ZNRF2: variants seen among roughly 807,000 people sequenced by gnomAD.
The protein encoded by ZNRF2 is E3 ubiquitin-protein ligase ZNRF2.
In ZNRF2, 16 loss-of-function variants were observed where a neutral mutation model predicts 20.4. That is an observed-to-expected ratio of 0.79 (90% confidence interval 0.53 to 1.19). The LOEUF (loss-of-function observed/expected upper bound fraction) is 1.19, where lower values mean the gene tolerates loss of function less well. Among genes scored for constraint, ZNRF2 ranks in the 50% most tolerant of loss-of-function variants. ZNRF2 has a pLI of 0.00. For synonymous variants in ZNRF2, 178 were observed against 144.9 expected (o/e 1.23, Z -1.64); for missense variants, 363 against 332.4 (o/e 1.09, Z -0.72).
chr7:30,341,353 G>A (rs1257409705), intron 2 of ZNRF2, among the ~76,000 whole-genome samples: 6 of 151,950 alleles, frequency 3.9e-5, no homozygotes, highest in South Asian at 2.1e-4. Flanking sequence ...GATCTTTCCC[G>A]CTTTCTCCTG....
At chr7:30,287,972 G>C (rs1240911302) in intron 1 of ZNRF2, among the ~76,000 whole-genome samples, 1 of 152,210 alleles carries the variant, frequency 6.6e-6, no homozygotes, top group Non-Finnish European at 1.5e-5. Flanking sequence ...AGGATCAGAT[G>C]AAAGTGCCAC....
At chr7:30,351,522 T>C (rs1165308620) in intron 2 of ZNRF2, among the ~76,000 whole-genome samples, 1 of 152,050 alleles carries the variant, frequency 6.6e-6, no homozygotes, top group Admixed American at 6.6e-5. Context: ...CCTCTAAATA[T>C]GTAGCTTGAG....
At chr7:30,332,030 G>A (rs1458589965) in intron 2 of ZNRF2, among the ~76,000 whole-genome samples, 3 of 152,074 alleles carry the variant, frequency 2.0e-5, no homozygotes, top group Non-Finnish European at 4.4e-5. Flanking sequence ...AATACACATA[G>A]CTGCCCAAAA....
At chr7:30,328,817 C>CT (rs1799592132) in intron 2 of ZNRF2, among the ~76,000 whole-genome samples, 1 of 152,072 alleles carries the variant, frequency 6.6e-6, no homozygotes, top group Non-Finnish European at 1.5e-5. Flanking sequence ...ATGGGACGCC[C>CT]AAGGCTGTCA....
intron 1 of ZNRF2, among the ~76,000 whole-genome samples, chr7:30,293,000 G>T (rs559312509): frequency 1.1e-4 from 17 of 152,282 alleles, no homozygotes; most frequent in Admixed American, 2.6e-4. Context: ...CAGCAAGGAG[G>T]CAAAAATCCA....
chr7:30,324,089 G>A lies in ZNRF2; in HGVS notation c.565+352G>A, dbSNP rs74482024. On this transcript the variant is annotated intron_variant, in intron 2 of 4. Transcript: ENST00000323037. ...TAAGACAAAATATTTAGTGACAAGA[G>A]TGGCATTTTCAGGATTTTTACAAAC... Among the ~76,000 whole-genome samples, 682 of 152,256 alleles carry A rather than the reference G, an allele frequency of 4.5e-3. 4 individuals carry two copies. Among genetic ancestry groups the A allele is most frequent in the Admixed American group, 9.6e-3 (147 of 15,294 alleles).
chr7:30,340,217 T>C (rs1438764011), intron 2 of ZNRF2, among the ~76,000 whole-genome samples: 1 of 152,196 alleles, frequency 6.6e-6, no homozygotes, highest in Non-Finnish European at 1.5e-5. Context: ...ACTTCCTCTC[T>C]CCCTGTTTGA....
chr7:30,360,660 A>G (rs1800112663), intron 3 of ZNRF2, among the ~76,000 whole-genome samples: 2 of 152,172 alleles, frequency 1.3e-5, no homozygotes, highest in South Asian at 4.1e-4. Flanking sequence ...TTGCCACTGC[A>G]CTTCAGGCTG....
chr7:30,308,541 G>A (rs1302062574), intron 1 of ZNRF2, among the ~76,000 whole-genome samples: 1 of 152,112 alleles, frequency 6.6e-6, no homozygotes, highest in Non-Finnish European at 1.5e-5. Context: ...CTAGGAAACC[G>A]AAACAAGCTC....
chr7:30,334,561 G>C (rs80164807), intron 2 of ZNRF2, among the ~76,000 whole-genome samples: 31 of 152,294 alleles, frequency 2.0e-4, no homozygotes, highest in African/African-American at 7.2e-4. Context: ...TGAATGTGTA[G>C]ATTGCTTTGG....
chr7:30,299,080 TTTAC>T (rs1311187881), intron 1 of ZNRF2, among the ~76,000 whole-genome samples: 1 of 152,198 alleles, frequency 6.6e-6, no homozygotes, highest in Non-Finnish European at 1.5e-5. Flanking sequence ...ACTAGTTATC[TTTAC>T]TTAGTTTTTT....
intron 3 of ZNRF2, among the ~76,000 whole-genome samples, chr7:30,356,577 A>G (rs908431687): frequency 6.6e-6 from 1 of 152,178 alleles, no homozygotes; most frequent in African/African-American, 2.4e-5. Flanking sequence ...AACTATATCC[A>G]GGCAAATATT....
At position 30,298,431 on chromosome 7, in the gene ZNRF2, G is replaced by C. The variant is rs145796986; in HGVS notation, c.469+12605G>C. ...CTAAAAAGCAAATTGGAAGCTCTCT[G>C]TGCATGTAGTGTCCTCTGTCTGGGC... is the stretch of plus-strand genomic sequence containing the variant. On this transcript the variant is annotated intron_variant, in intron 1 of 4. Transcript: ENST00000323037. Among the ~76,000 whole-genome samples, 1,019 of 152,272 alleles carry C rather than the reference G, an allele frequency of 6.7e-3. 9 individuals are homozygous for C. The highest frequency in any genetic ancestry group is 0.023 in the African/African-American group (959 of 41,544).
chr7:30,296,713 C>G (rs929923472), intron 1 of ZNRF2, among the ~76,000 whole-genome samples: 4 of 152,130 alleles, frequency 2.6e-5, no homozygotes, highest in Non-Finnish European at 5.9e-5. Flanking sequence ...TTACCGTACG[C>G]AGAGTTCTTT....
chr7:30,331,204 G>A (rs1009648546), intron 2 of ZNRF2, among the ~76,000 whole-genome samples: 4 of 151,948 alleles, frequency 2.6e-5, no homozygotes, highest in South Asian at 2.1e-4. Flanking sequence ...CTCTATTAAC[G>A]GTGAACTTGT....
chr7:30,350,869 G>A (rs774671984), intron 2 of ZNRF2, among the ~76,000 whole-genome samples: 5 of 151,926 alleles, frequency 3.3e-5, no homozygotes, highest in Admixed American at 6.6e-5. Context: ...AGCGCTTGGC[G>A]TTGTATTTTG....
intron 1 of ZNRF2, among the ~76,000 whole-genome samples, chr7:30,295,485 C>T (rs1437149493): frequency 2.0e-5 from 3 of 152,068 alleles, no homozygotes; most frequent in African/African-American, 4.8e-5. Flanking sequence ...CGGACGGGGG[C>T]GATCGCTTGA....
chr7:30,303,937 A>G (rs1799157616), intron 1 of ZNRF2, among the ~76,000 whole-genome samples: 1 of 152,116 alleles, frequency 6.6e-6, no homozygotes, highest in Non-Finnish European at 1.5e-5. Context: ...CAGGAACTCT[A>G]TTTGTGGTTC....
intron 3 of ZNRF2, among the ~76,000 whole-genome samples, chr7:30,360,201 A>G (rs753577128): frequency 2.0e-5 from 3 of 152,154 alleles, no homozygotes; most frequent in African/African-American, 7.2e-5. Context: ...AATCAACACT[A>G]TGCTTCTTTC....
Sources: gnomAD v4.1 joint callset for allele counts (sites outside exome capture counted in the v4.1 genomes callset) on GRCh38, gnomAD v4.1.1 for gene constraint, MANE v1.5 for transcripts, NCBI Gene and HGNC (gene_info 2026-07-23, HGNC 2026-07-21) for gene names.